AHCTF1: variants seen among roughly 807,000 people sequenced by gnomAD.
The protein encoded by AHCTF1 is AT-hook containing transcription factor 1, also known as protein ELYS.
A neutral mutation model predicts 248.4 loss-of-function variants in AHCTF1; 24 were observed. That is an observed-to-expected ratio of 0.10 (90% CI 0.07 to 0.14). AHCTF1 has a LOEUF of 0.14. Ranked by LOEUF, AHCTF1 falls within the 10% of genes least tolerant of loss-of-function variation. The pLI, the probability that AHCTF1 is intolerant of heterozygous loss-of-function variation, is 1.00. For missense variants in AHCTF1, 2,206 were observed against 2,636.2 expected, an observed-to-expected ratio of 0.84 and a Z score of 3.57; for synonymous variants, 786 against 929.8, an observed-to-expected ratio of 0.85 and a Z score of 2.81.
chr1:246,931,516 TC>T, intron 1 of AHCTF1, 61 bp downstream of exon 1: 3 of 408,206 alleles, frequency 7.3e-6, no homozygotes, highest in Non-Finnish European at 9.8e-6. Context: ...CCGCCGCGGG[TC>T]CAGGCCGCGC....
chr1:246,926,324 A>T (rs942188011), intron 1 of AHCTF1, among the ~76,000 whole-genome samples: 5 of 152,182 alleles, frequency 3.3e-5, no homozygotes, highest in Non-Finnish European at 5.9e-5. Flanking sequence ...CTAGCACTTA[A>T]TAATACATGT....
intron 24 of AHCTF1, among the ~76,000 whole-genome samples, chr1:246,875,637 A>G (rs1046560781): frequency 5.3e-5 from 8 of 152,242 alleles, no homozygotes; most frequent in African/African-American, 1.9e-4. Flanking sequence ...CTCAACCTTC[A>G]GTAGTCACCA....
chr1:246,887,483 A>T (rs1019982523), intron 19 of AHCTF1, 126 bp from the exon 20 acceptor site: 4 of 972,432 alleles, frequency 4.1e-6, no homozygotes, highest in Non-Finnish European at 4.5e-6. Flanking sequence ...TAGTGTTTAG[A>T]AAGCCATCAT....
Position 246,850,323 on chromosome 1 carries a change from T to C in AHCTF1, c.5683A>G (p.Thr1895Ala). The change falls in exon 33 of 36, where the codon ACG becomes GCG. Residue 1895 changes from threonine to alanine, a missense_variant. Physicochemically the swap from Thr to Ala is moderately conservative, Grantham distance 58. Transcript: ENST00000648844. Reference protein sequence around the residue: ...VEIINDLKVSTVTSPSRMIRK... With the variant: ...VEIINDLKVSAVTSPSRMIRK... The stretch of plus-strand genomic sequence containing the variant: ...ATCATTCTGCTAGGACTTGTTACCG[T>C]ACTAACTTTTAGATCATTTATAATT... The C allele has an allele frequency of 6.2e-7, 1 of 1,613,936 alleles. No homozygotes were observed. Among genetic ancestry groups the C allele is most frequent in the Non-Finnish European group, 8.5e-7 (1 of 1,179,842 alleles).
intron 13 of AHCTF1, 142 bp from the exon 14 acceptor site, chr1:246,894,890 T>C (rs912542916): frequency 1.5e-6 from 1 of 676,498 alleles, no homozygotes. Context: ...GAAAATGGAC[T>C]TTCTCAGTGC....
At chr1:246,912,035 A>G (rs907265865) in intron 4 of AHCTF1, among the ~76,000 whole-genome samples, 4 of 151,584 alleles carry the variant, frequency 2.6e-5, no homozygotes, top group Non-Finnish European at 4.4e-5. Context: ...CGCTTCCACC[A>G]CTGGCAGTTT....
In AHCTF1 at chr1:246,867,338, C is replaced by T. The variant is rs772905226; in HGVS notation, c.3253G>A (p.Glu1085Lys). 1 of 1,584,812 alleles carries T rather than the reference C, an allele frequency of 6.3e-7. No individual in the cohort carries two copies. Among genetic ancestry groups the T allele is most frequent in the Non-Finnish European group, 8.6e-7 (1 of 1,167,008 alleles). The change falls in exon 26 of 36, where the codon GAA (glutamate) becomes AAA (lysine). Residue 1085 changes from glutamate to lysine, a missense_variant. This residue lies in a region of AHCTF1 where 955 missense variants were observed against 1,055.6 expected (regional missense o/e 0.90). Transcript: ENST00000648844. ...AGCGAATACACTATAGGAGATGGTT[C>T]TTCTATTTTAGAACTATGAAAATAA... ...TTPFNSSKIEEPSPIVYSLPA... is the reference protein window; with the variant it reads ...TTPFNSSKIEKPSPIVYSLPA...
In AHCTF1 at chr1:246,851,125, T is replaced by A. The variant is rs1174596420; in HGVS notation, c.4881A>T (p.Val1627=). 1 of 1,613,852 alleles carries A rather than the reference T, an allele frequency of 6.2e-7. No homozygotes were observed. Among genetic ancestry groups the A allele is most frequent in the African/African-American group, 1.3e-5 (1 of 74,916 alleles). Residue 1627 remains valine (V), a synonymous_variant, in exon 33 of 36, where the codon GTA becomes GTT. Transcript: ENST00000648844. The part of the protein sequence containing the change: ...AANTATEEKL[V]CSGENDNHGQ... ...CATGATTATCATTTTCCCCACTGCA[T>A]ACAAGTTTTTCTTCAGTTGCTGTGT...
intron 24 of AHCTF1, among the ~76,000 whole-genome samples, chr1:246,870,214 T>G (rs527259881): frequency 5.9e-5 from 9 of 152,048 alleles, no homozygotes; most frequent in Non-Finnish European, 1.2e-4. Context: ...GAGGCCAAGG[T>G]GGGAGGATCA....
chr1:246,853,520 G>A (rs574286082), intron 31 of AHCTF1, among the ~76,000 whole-genome samples: 32 of 152,116 alleles, frequency 2.1e-4, no homozygotes, highest in Non-Finnish European at 4.3e-4. Flanking sequence ...ACTGATAAAC[G>A]GTATCAGGAA....
At position 246,876,063 on chromosome 1, in the gene AHCTF1, A is replaced by C; in HGVS notation, c.3062T>G (p.Leu1021Arg). 3 of 1,599,988 alleles carry C rather than the reference A, an allele frequency of 1.9e-6. No individual in the cohort carries two copies. The highest frequency in any genetic ancestry group is 2.6e-6 in the Non-Finnish European group (3 of 1,174,132). Residue 1021 changes from leucine (L) to arginine (R), a missense_variant, in exon 24 of 36, where the codon CTG (leucine) becomes CGG (arginine). By Grantham distance (102) the Leu-to-Arg change is moderately radical. Around this residue, in one of 6 missense-constraint regions of AHCTF1, gnomAD observed 955 missense variants for 1,055.6 expected, o/e 0.90. Transcript: ENST00000648844. ...TAATCGAAAAACTGATGATGTTGAC[A>C]GATGATAAGGCTTAGCTCGTTCAAT... ...LAIERAKPYH[L>R]STSSVFRLVS...
chr1:246,907,486 A>G, intron 5 of AHCTF1, 65 bp downstream of exon 5: 1 of 1,381,596 alleles, frequency 7.2e-7, no homozygotes. Context: ...AATATTAGTA[A>G]ATGAGTACAA....
intron 21 of AHCTF1, among the ~76,000 whole-genome samples, chr1:246,880,529 A>G (rs1247819261): frequency 6.8e-6 from 1 of 146,144 alleles, no homozygotes; most frequent in Admixed American, 7.1e-5. Flanking sequence ...GCGCCACTGC[A>G]CTCCATCCAG....
intron 4 of AHCTF1, among the ~76,000 whole-genome samples, chr1:246,912,360 G>A (rs1226590797): frequency 6.6e-6 from 1 of 151,606 alleles, no homozygotes; most frequent in Non-Finnish European, 1.5e-5. Context: ...GCGTGTGCCT[G>A]TAATCTCAGC....
chr1:246,915,913 T>C (rs1256284447), intron 3 of AHCTF1, among the ~76,000 whole-genome samples: 1 of 152,224 alleles, frequency 6.6e-6, no homozygotes, highest in Non-Finnish European at 1.5e-5. Context: ...TCTGGAACGT[T>C]TTAACCAATA....
At chr1:246,901,440 C>A (rs544645239) in intron 8 of AHCTF1, among the ~76,000 whole-genome samples, 1 of 151,958 alleles carries the variant, frequency 6.6e-6, no homozygotes, top group Non-Finnish European at 1.5e-5. Flanking sequence ...ATGGCTAACA[C>A]GGTGAAACCC....
chr1:246,883,125 G>A (rs1190239543), intron 21 of AHCTF1, among the ~76,000 whole-genome samples: 1 of 152,226 alleles, frequency 6.6e-6, no homozygotes, highest in Non-Finnish European at 1.5e-5. Context: ...GAGGTCAGGA[G>A]TGAGGCTGTA....
chr1:246,860,404 G>A (rs565362563), intron 29 of AHCTF1, among the ~76,000 whole-genome samples: 57 of 151,996 alleles, frequency 3.8e-4, no homozygotes, highest in African/African-American at 1.2e-3. Flanking sequence ...TAAATTTCAC[G>A]GCCAAATAAA....
intron 20 of AHCTF1, among the ~76,000 whole-genome samples, chr1:246,886,327 T>C (rs1663816776): frequency 6.6e-6 from 1 of 151,972 alleles, no homozygotes; most frequent in Non-Finnish European, 1.5e-5. Context: ...CGAGACTCCA[T>C]CTCAAAATAA....
Sources: gnomAD v4.1 joint callset for allele counts (sites outside exome capture counted in the v4.1 genomes callset) on GRCh38, gnomAD v4.1.1 for gene constraint, gnomAD v4.1.1 regional missense constraint, MANE v1.5 for transcripts, NCBI Gene and HGNC (gene_info 2026-07-23, HGNC 2026-07-21) for gene names.